The following ZNF26 variants were observed in gnomAD, a reference collection of about 807,000 sequenced individuals.
The protein encoded by ZNF26 is epididymis luminal protein 179.
A neutral mutation model predicts 54.9 loss-of-function variants in ZNF26; 32 were observed. The observed-to-expected ratio is 0.58, with a 90% CI of 0.44 to 0.78. The LOEUF (loss-of-function observed/expected upper bound fraction) is 0.78. Among genes scored for constraint, ZNF26 ranks in the 30% least tolerant of loss-of-function variants. ZNF26 has a pLI of 0.00. For synonymous variants in ZNF26, 221 were observed against 209.2 expected (o/e 1.06, Z -0.49); for missense variants, 524 against 634.0 (o/e 0.83, Z 1.86).
chr12:133,015,362 A>AG lies in ZNF26; in HGVS notation c.*3881_*3882insG. The AG allele has an allele frequency of 6.6e-6, 1 of 151,396 alleles. No individual in the cohort carries two copies. Among genetic ancestry groups the AG allele is most frequent in the African/African-American group, 2.4e-5 (1 of 40,824 alleles). The allele number at this position is 151,396 out of a possible 1,614,324, so 9.4% of individuals were successfully genotyped here. On this transcript the variant is annotated 3_prime_UTR_variant, in exon 4 of 4. Coordinates refer to ENST00000328654, the MANE Select transcript of ZNF26 (RefSeq NM_019591.4). ...GAGTGAGACTCTGTCTCAAAAAAAAAAAAAAAAAGAAAAGAAAATGACAAA... is the reference window on the plus strand; with the variant it reads ...GAGTGAGACTCTGTCTCAAAAAAAAAGAAAAAAAAGAAAAGAAAATGACAAA...
In ZNF26 at chr12:133,011,700, A is replaced by G. The variant is rs1416624546; in HGVS notation, c.*219A>G. On this transcript the variant is annotated 3_prime_UTR_variant, in exon 4 of 4. Coordinates refer to ENST00000328654, the MANE Select transcript of ZNF26 (RefSeq NM_019591.4). The stretch of plus-strand genomic sequence containing the variant: ...GGAATGTGGAGCAATAAATGTATCA[A>G]ATGTTGTAGTATCATCATGAAGATT... The G allele has an allele frequency of 1.3e-5, 5 of 372,758 alleles. No homozygotes were observed. Among genetic ancestry groups the G allele is most frequent in the Non-Finnish European group, 2.4e-5 (5 of 209,670 alleles). The allele number at this position is 372,758 out of a possible 1,614,324, so 23.1% of individuals were successfully genotyped here.
intron 3 of ZNF26, 27 bp downstream of exon 3, chr12:133,007,559 G>GTGAGAAA: frequency 1.3e-6 from 2 of 1,544,142 alleles, no homozygotes; most frequent in Non-Finnish European, 1.8e-6. Flanking sequence ...GAGGAAGGTG[G>GTGAGAAA]GAGGCATGGG....
chr12:132,997,144 C>T (rs1953103760), intron 1 of ZNF26, among the ~76,000 whole-genome samples: 1 of 152,150 alleles, frequency 6.6e-6, no homozygotes, highest in South Asian at 2.1e-4. Context: ...CCTGGTCTGA[C>T]ACAAGGAACA....
rs1426177251 is a variant in ZNF26, at chr12:133,012,914, G to T, written c.*1433G>T. 3 of 151,974 alleles carry T rather than the reference G, an allele frequency of 2.0e-5. No individual in the cohort carries two copies. Among genetic ancestry groups the T allele is most frequent in the African/African-American group, 7.3e-5 (3 of 41,376 alleles). The allele number at this position is 151,974 out of a possible 1,614,324, so 9.4% of individuals were successfully genotyped here. ...TTCTTATAACCTAAGGGCTTTAACT[G>T]ATCAGTTGTTGCCTTGGTAGCATGT... is the stretch of plus-strand genomic sequence containing the variant. On this transcript the variant is annotated 3_prime_UTR_variant, in exon 4 of 4. Transcript: ENST00000328654.
At position 133,017,293 on chromosome 12, in the gene ZNF26, T is replaced by C. The variant is rs1953578273; in HGVS notation, c.*5812T>C. The stretch of plus-strand genomic sequence containing the variant: ...CCACTTTACCACAGATAAGGTTCAG[T>C]GGTGGTCCCATGACTGATCTATTGG... On this transcript the variant is annotated 3_prime_UTR_variant, in exon 4 of 4. Coordinates refer to ENST00000328654, the MANE Select transcript of ZNF26 (RefSeq NM_019591.4). 6.6e-6 allele frequency: 1 copy of C among 152,206 alleles called. No individual in the cohort carries two copies. The highest frequency in any genetic ancestry group is 2.1e-4 in the South Asian group (1 of 4,834). 9.4% of individuals were successfully genotyped at this position (152,206 alleles called of 1,614,324 possible).
chr12:132,998,482 A>G (rs1025384163), intron 1 of ZNF26, among the ~76,000 whole-genome samples: 119 of 152,278 alleles, frequency 7.8e-4, no homozygotes, highest in African/African-American at 2.8e-3. Flanking sequence ...AACTTTTTAA[A>G]GGAATTTTGG....
Position 133,024,118 on chromosome 12 carries a change from G to A in ZNF26, c.*12637G>A, listed in dbSNP as rs1953674670. 1 of 152,190 alleles carries A rather than the reference G, an allele frequency of 6.6e-6. No homozygotes were observed. Among genetic ancestry groups the A allele is most frequent in the African/African-American group, 2.4e-5 (1 of 41,430 alleles). The allele number at this position is 152,190 out of a possible 1,614,324, so 9.4% of individuals were successfully genotyped here. A position where few individuals can be genotyped will look rare whatever the true frequency, so the allele number is the denominator to read the frequency against. ...TTTTGAGGTGATACGTTAGACTACA[G>A]TAGTGATTGGAATAGAAATTTAGTG... On this transcript the variant is annotated 3_prime_UTR_variant, in exon 4 of 4. Coordinates refer to ENST00000328654, the MANE Select transcript of ZNF26 (RefSeq NM_019591.4).
intron 1 of ZNF26, among the ~76,000 whole-genome samples, chr12:132,998,041 C>A (rs1953128854): frequency 6.6e-6 from 1 of 152,104 alleles, no homozygotes; most frequent in African/African-American, 2.4e-5. Flanking sequence ...CGTAGCAGGA[C>A]CAACTTATTT....
Position 133,019,013 on chromosome 12 carries a change from A to T in ZNF26, c.*7532A>T, listed in dbSNP as rs996136495. 2.0e-5 allele frequency: 3 copies of T among 152,220 alleles called. No homozygotes were observed. The highest frequency in any genetic ancestry group is 3.2e-3 in the Middle Eastern group (1 of 316). The allele number at this position is 152,220 out of a possible 1,614,324, so 9.4% of individuals were successfully genotyped here. On this transcript the variant is annotated 3_prime_UTR_variant, in exon 4 of 4. Transcript: ENST00000328654. The stretch of plus-strand genomic sequence containing the variant: ...CATACATACTCAAAGATACAATTGG[A>T]TTAGAAGTAAAGGATGGAAAAAGAT...
At chr12:132,988,221 C>G (rs759378409) in intron 1 of ZNF26, among the ~76,000 whole-genome samples, 4 of 150,294 alleles carry the variant, frequency 2.7e-5, no homozygotes, top group South Asian at 4.3e-4. Flanking sequence ...GTTGCCCAGG[C>G]TGGTCTTTAT....
rs1953209005 is a variant in ZNF26 at position 133,001,052 on chromosome 12, A to G, written c.34-5990A>G. On this transcript the variant is annotated intron_variant, in intron 1 of 3. Transcript: ENST00000328654. This position sits in a 1 kb window ranked among gnomAD's most constrained non-coding sequence, Gnocchi z 4.7. ...CTGCTGTCGACCTCCAGCTTCTAATATGGTCACATCGAAGTGACTTGTTTC... is the reference window on the plus strand; with the variant it reads ...CTGCTGTCGACCTCCAGCTTCTAATGTGGTCACATCGAAGTGACTTGTTTC... 6.6e-6 allele frequency among the ~76,000 whole-genome samples: 1 copy of G among 152,060 alleles called. No homozygotes were observed. The highest frequency in any genetic ancestry group is 2.1e-4 in the South Asian group (1 of 4,818).
At chr12:133,010,010 G>C (rs1318691549) in intron 3 of ZNF26, 126 bp from the exon 4 acceptor site, 6 of 985,146 alleles carry the variant, frequency 6.1e-6, no homozygotes, top group Non-Finnish European at 8.5e-6. Flanking sequence ...TATTTCTTTT[G>C]AACCAGTGTG....
chr12:132,995,943 T>C (rs1953072336), intron 1 of ZNF26, among the ~76,000 whole-genome samples: 1 of 152,204 alleles, frequency 6.6e-6, no homozygotes, highest in Admixed American at 6.5e-5. Flanking sequence ...TGAGCCACCA[T>C]ACCTGACCTT....
At chr12:132,991,019 C>T (rs961660814) in intron 1 of ZNF26, among the ~76,000 whole-genome samples, 10 of 151,478 alleles carry the variant, frequency 6.6e-5, no homozygotes, top group South Asian at 2.1e-4. Context: ...CCACCATGCC[C>T]GGCTAATTTT....
At chr12:133,005,731 G>A (rs1328007233) in intron 1 of ZNF26, 1 of 152,226 alleles carries the variant, frequency 6.6e-6, no homozygotes, top group Non-Finnish European at 1.5e-5. Context: ...GACCTGAGCT[G>A]GCATGCTGTC....
chr12:133,006,031 A>ATT, intron 1 of ZNF26: 3 of 936,252 alleles, frequency 3.2e-6, no homozygotes, highest in African/African-American at 1.8e-5. Context: ...TGTTCCATCT[A>ATT]TTTTTTTTTC....
chr12:132,988,276 G>T (rs1952871043), intron 1 of ZNF26, among the ~76,000 whole-genome samples: 2 of 151,292 alleles, frequency 1.3e-5, no homozygotes, highest in East Asian at 1.9e-4. Context: ...TCACTCTGTT[G>T]CCCAGGTTGG....
rs2137284006 is a variant in ZNF26 at position 133,021,906 on chromosome 12, G to T, written c.*10425G>T. On this transcript the variant is annotated 3_prime_UTR_variant, in exon 4 of 4. Coordinates refer to ENST00000328654, the MANE Select transcript of ZNF26 (RefSeq NM_019591.4). ...ACTTTTTAAACTTTCATGTTTTGTG[G>T]AGTCATTTCTAAATCAAATCATTAA... The T allele has an allele frequency of 6.6e-6, 1 of 152,180 alleles. No individual in the cohort carries two copies. Among genetic ancestry groups the T allele is most frequent in the African/African-American group, 2.4e-5 (1 of 41,522 alleles). The allele number at this position is 152,180 out of a possible 1,614,324, so 9.4% of individuals were successfully genotyped here. A position where few individuals can be genotyped will look rare whatever the true frequency, so the allele number is the denominator to read the frequency against.
In ZNF26 at chr12:133,017,869, C is replaced by G. The variant is rs1010765520; in HGVS notation, c.*6388C>G. 2.0e-5 allele frequency: 3 copies of G among 152,152 alleles called. No homozygotes were observed. Among genetic ancestry groups the G allele is most frequent in the Admixed American group, 6.6e-5 (1 of 15,256 alleles). The allele number at this position is 152,152 out of a possible 1,614,324, so 9.4% of individuals were successfully genotyped here. On this transcript the variant is annotated 3_prime_UTR_variant, in exon 4 of 4. Transcript: ENST00000328654. ...TTAAAAACACAAAAAATTAGCGGGG[C>G]GTGGTGGCGGGCGCCTGTAGTCCCA...
Sources: gnomAD v4.1 joint callset for allele counts (sites outside exome capture counted in the v4.1 genomes callset) on GRCh38, gnomAD v4.1.1 for gene constraint, Gnocchi (gnomAD v3.1) non-coding constraint, MANE v1.5 for transcripts, NCBI Gene and HGNC (gene_info 2026-07-23, HGNC 2026-07-21) for gene names.